The following TBXAS1 variants were observed in gnomAD, a reference collection of about 807,000 sequenced individuals.
TBXAS1 encodes the protein thromboxane-A synthase.
Under a neutral mutation model 60.7 loss-of-function variants are expected in TBXAS1, and 48 were observed. The ratio of observed to expected loss-of-function variants is 0.79; its 90% CI spans 0.63 to 1.01. The LOEUF (loss-of-function observed/expected upper bound fraction) is 1.01. Among genes scored for constraint, TBXAS1 ranks in the 50% least tolerant of loss-of-function variants. TBXAS1 has a pLI of 0.00. For synonymous variants in TBXAS1, 287 were observed against 269.7 expected, an observed-to-expected ratio of 1.06 and a Z score of -0.63; for missense variants, 685 against 686.3, an observed-to-expected ratio of 1.00 and a Z score of 0.02.
intron 9 of TBXAS1, among the ~76,000 whole-genome samples, chr7:139,973,412 G>A (rs535428600): frequency 5.3e-5 from 8 of 152,274 alleles, no homozygotes; most frequent in African/African-American, 1.9e-4. Flanking sequence ...AGAGAGGAAG[G>A]AAAATTGGAA....
At chr7:139,874,597 C>G (rs986335074) in intron 2 of TBXAS1, among the ~76,000 whole-genome samples, 4 of 152,196 alleles carry the variant, frequency 2.6e-5, no homozygotes, top group African/African-American at 4.8e-5. Flanking sequence ...AGGACATCCA[C>G]ACTCCTAACC....
intron 4 of TBXAS1, among the ~76,000 whole-genome samples, chr7:139,804,358 T>C (rs1245285407): frequency 2.6e-5 from 4 of 152,238 alleles, no homozygotes; most frequent in East Asian, 3.8e-4. Flanking sequence ...TGTATCCCCA[T>C]TGTATCTAGG....
At chr7:139,785,277 C>G (rs1459283354) in intron 3 of TBXAS1, among the ~76,000 whole-genome samples, 1 of 152,050 alleles carries the variant, frequency 6.6e-6, no homozygotes, top group East Asian at 1.9e-4. Context: ...GCAAGCTGAT[C>G]TCTAGATCTC....
At chr7:139,915,236 G>A (rs1805878091) in intron 4 of TBXAS1, among the ~76,000 whole-genome samples, 1 of 152,096 alleles carries the variant, frequency 6.6e-6, no homozygotes, top group Admixed American at 6.5e-5. Flanking sequence ...AATTAAATTG[G>A]GTTCTGTGGT....
chr7:139,810,023 C>G (rs1319854087), intron 4 of TBXAS1, among the ~76,000 whole-genome samples: 2 of 151,810 alleles, frequency 1.3e-5, no homozygotes, highest in Non-Finnish European at 2.9e-5. Context: ...TGGTCATTTT[C>G]AATAAGTGGA....
intron 9 of TBXAS1, among the ~76,000 whole-genome samples, chr7:139,985,653 C>T (rs1025346397): frequency 6.6e-6 from 1 of 152,166 alleles, no homozygotes; most frequent in Non-Finnish European, 1.5e-5. Flanking sequence ...TTATTTTACC[C>T]TCCTCACATC....
chr7:139,960,076 C>T (rs1377313540), intron 8 of TBXAS1, among the ~76,000 whole-genome samples: 1 of 152,190 alleles, frequency 6.6e-6, no homozygotes, highest in East Asian at 1.9e-4. Context: ...CTACCCCCGA[C>T]CCTCACCATT....
chr7:139,845,824 T>A (rs1339128750), intron 1 of TBXAS1, among the ~76,000 whole-genome samples: 1 of 26,698 alleles, frequency 3.7e-5, no homozygotes, highest in Non-Finnish European at 6.2e-5. Context: ...TGAACTCTAG[T>A]TTTTTTTTTT....
intron 4 of TBXAS1, among the ~76,000 whole-genome samples, chr7:139,935,812 G>C (rs527264483): frequency 4.0e-5 from 6 of 151,868 alleles, no homozygotes; most frequent in African/African-American, 1.5e-4. Context: ...ATGAACTTCA[G>C]ACATGATACT....
At chr7:139,969,740 A>C (rs1440179668) in intron 9 of TBXAS1, among the ~76,000 whole-genome samples, 3 of 152,142 alleles carry the variant, frequency 2.0e-5, no homozygotes, top group Non-Finnish European at 4.4e-5. Context: ...GGCTACCCAC[A>C]GTTGGTGAGG....
At chr7:139,836,188 A>G (rs1298345902) in intron 1 of TBXAS1, among the ~76,000 whole-genome samples, 1 of 152,236 alleles carries the variant, frequency 6.6e-6, no homozygotes, top group Non-Finnish European at 1.5e-5. Context: ...AAATGGAAAC[A>G]CATTCCATGT....
At chr7:139,958,563 T>TA (rs1306244141) in intron 8 of TBXAS1, among the ~76,000 whole-genome samples, 1 of 152,196 alleles carries the variant, frequency 6.6e-6, no homozygotes, top group Admixed American at 6.5e-5. Flanking sequence ...GATGCAACTT[T>TA]AAAAGGGTTG....
At chr7:139,930,850 GACCTCAGCC>G (rs1169925160) in intron 4 of TBXAS1, among the ~76,000 whole-genome samples, 3 of 152,162 alleles carry the variant, frequency 2.0e-5, no homozygotes, top group Non-Finnish European at 4.4e-5. Context: ...AGATAATGGT[GACCTCAGCC>G]AGGGTGGCAG....
intron 4 of TBXAS1, among the ~76,000 whole-genome samples, chr7:139,810,007 C>T (rs546262629): frequency 1.3e-5 from 2 of 152,124 alleles, no homozygotes; most frequent in South Asian, 2.1e-4. Context: ...TCTTTAAGCC[C>T]AGGCTTGGTC....
intron 3 of TBXAS1, among the ~76,000 whole-genome samples, chr7:139,905,601 G>A (rs1340917880): frequency 6.6e-6 from 1 of 152,144 alleles, no homozygotes; most frequent in African/African-American, 2.4e-5. Flanking sequence ...TCCTTTCCTG[G>A]TTTTGGTTTT....
At chr7:139,961,790 T>C (rs779677576) in intron 8 of TBXAS1, 129 bp from the exon 9 acceptor site, 1 of 1,145,900 alleles carries the variant, frequency 8.7e-7, no homozygotes, top group Non-Finnish European at 1.3e-6. Flanking sequence ...AACCCAGCAA[T>C]GAGGAAGCTT....
At chr7:139,971,255 C>T (rs2117443827) in intron 9 of TBXAS1, among the ~76,000 whole-genome samples, 2 of 152,264 alleles carry the variant, frequency 1.3e-5, no homozygotes, top group East Asian at 3.9e-4. Flanking sequence ...AAGGCCCCTC[C>T]TCCCAGCCCG....
chr7:139,933,470 C>G (rs1188434325), intron 4 of TBXAS1, among the ~76,000 whole-genome samples: 1 of 152,128 alleles, frequency 6.6e-6, no homozygotes, highest in Non-Finnish European at 1.5e-5. Flanking sequence ...CCTCCTTCAA[C>G]TCTGGAACCT....
At chr7:139,927,745 T>G (rs1247652662) in intron 4 of TBXAS1, among the ~76,000 whole-genome samples, 1 of 152,194 alleles carries the variant, frequency 6.6e-6, no homozygotes, top group Non-Finnish European at 1.5e-5. Flanking sequence ...GTCAAATGTT[T>G]TTGTAGGTAT....
Sources: allele counts gnomAD v4.1 joint callset (sites outside exome capture counted in the v4.1 genomes callset), GRCh38; gene constraint gnomAD v4.1.1; transcripts MANE v1.5; gene names NCBI Gene and HGNC (gene_info 2026-07-23, HGNC 2026-07-21).